The following SGCZ variants were observed in gnomAD, a reference collection of about 807,000 sequenced individuals.
SGCZ encodes the protein zeta-sarcoglycan.
SGCZ carries 40 observed loss-of-function variants against 41.3 expected under a neutral mutation model. The observed-to-expected ratio is 0.97, with a 90% CI of 0.75 to 1.26. The LOEUF (loss-of-function observed/expected upper bound fraction) is 1.26. Ranked by LOEUF, SGCZ falls within the 50% of genes most tolerant of loss-of-function variation. The probability of loss-of-function intolerance (pLI) is 0.00; values close to 1 mark genes in which losing one functional copy is unlikely to be tolerated. For missense variants in SGCZ, 552 were observed against 369.8 expected (o/e 1.49, Z -4.04); for synonymous variants, 206 against 137.5 (o/e 1.50, Z -3.49).
At chr8:14,239,490 G>C (rs185151124) in intron 3 of SGCZ, among the ~76,000 whole-genome samples, 4 of 152,032 alleles carry the variant, frequency 2.6e-5, no homozygotes, top group African/African-American at 7.2e-5. Context: ...GTTTGGTTTA[G>C]AGTTTTAAAA....
chr8:15,007,585 T>C (rs954049840), intron 1 of SGCZ, among the ~76,000 whole-genome samples: 15 of 152,334 alleles, frequency 9.8e-5, no homozygotes, highest in African/African-American at 2.6e-4. Flanking sequence ...ATCCGTAAAA[T>C]GGAGATTCAT....
chr8:14,531,384 A>G (rs1803125748), intron 2 of SGCZ, among the ~76,000 whole-genome samples: 1 of 151,872 alleles, frequency 6.6e-6, no homozygotes, highest in Admixed American at 6.6e-5. Flanking sequence ...CTTGGTCACA[A>G]GACTAGAAAT....
intron 1 of SGCZ, among the ~76,000 whole-genome samples, chr8:15,080,394 C>G (rs1454964053): frequency 6.6e-6 from 1 of 152,026 alleles, no homozygotes; most frequent in African/African-American, 2.4e-5. Context: ...CTACCACCAG[C>G]CTGAGCATCC....
intron 1 of SGCZ, among the ~76,000 whole-genome samples, chr8:14,730,554 T>C (rs533139515): frequency 6.6e-6 from 1 of 151,996 alleles, no homozygotes; most frequent in East Asian, 1.9e-4. Flanking sequence ...AGAAACAACA[T>C]ACAACCCTAA....
intron 1 of SGCZ, among the ~76,000 whole-genome samples, chr8:15,217,937 T>A (rs1801468471): frequency 6.6e-6 from 1 of 151,920 alleles, no homozygotes; most frequent in Non-Finnish European, 1.5e-5. Context: ...AATACAAAAA[T>A]TTGCCAAACG....
intron 4 of SGCZ, among the ~76,000 whole-genome samples, chr8:14,235,570 G>C (rs1001959283): frequency 4.6e-5 from 7 of 152,322 alleles, no homozygotes; most frequent in African/African-American, 1.4e-4. Context: ...AAAGCATGCA[G>C]TGAAATGCAA....
chr8:14,975,883 C>A (rs1379995483), intron 1 of SGCZ, among the ~76,000 whole-genome samples: 1 of 147,612 alleles, frequency 6.8e-6, no homozygotes, highest in Non-Finnish European at 1.5e-5. Context: ...TACACACACA[C>A]ACACACACAC....
At chr8:15,106,803 G>T (rs1010313403) in intron 1 of SGCZ, among the ~76,000 whole-genome samples, 25 of 151,830 alleles carry the variant, frequency 1.6e-4, no homozygotes, top group Middle Eastern at 3.2e-3. Context: ...CATCATTCTT[G>T]TTTCCCACTT....
intron 1 of SGCZ, among the ~76,000 whole-genome samples, chr8:14,898,226 A>T (rs773100121): frequency 2.6e-5 from 4 of 152,170 alleles, no homozygotes; most frequent in Non-Finnish European, 4.4e-5. Flanking sequence ...TAGGAACTAC[A>T]GGTGTGAGCC....
intron 1 of SGCZ, among the ~76,000 whole-genome samples, chr8:14,632,751 C>T (rs190727901): frequency 2.6e-4 from 39 of 152,052 alleles, no homozygotes; most frequent in African/African-American, 8.9e-4. Flanking sequence ...ATCCAATATT[C>T]TATTTCTATA....
intron 2 of SGCZ, among the ~76,000 whole-genome samples, chr8:14,351,703 G>T (rs1803101475): frequency 6.6e-6 from 1 of 151,866 alleles, no homozygotes. Context: ...CATAAAAAAA[G>T]AATTTGCTTG....
At chr8:14,816,499 A>G (rs2130554002) in intron 1 of SGCZ, among the ~76,000 whole-genome samples, 1 of 152,316 alleles carries the variant, frequency 6.6e-6, no homozygotes, top group East Asian at 1.9e-4. Flanking sequence ...GTGAAATTCA[A>G]CTTTCTGTTC....
At chr8:14,798,748 T>G (rs183798440) in intron 1 of SGCZ, among the ~76,000 whole-genome samples, 157 of 152,194 alleles carry the variant, frequency 1.0e-3, no homozygotes, top group Non-Finnish European at 7.8e-4. Flanking sequence ...TTAGATTATG[T>G]AATTTAAGAC....
chr8:14,685,696 A>G (rs956474864), intron 1 of SGCZ, among the ~76,000 whole-genome samples: 3 of 152,280 alleles, frequency 2.0e-5, no homozygotes, highest in East Asian at 3.9e-4. Context: ...CAATATTGGT[A>G]TCTATTACAT....
At chr8:14,660,045 T>C (rs889742998) in intron 1 of SGCZ, among the ~76,000 whole-genome samples, 4 of 152,112 alleles carry the variant, frequency 2.6e-5, no homozygotes, top group African/African-American at 9.7e-5. Flanking sequence ...TGAAACAGCT[T>C]TTTCTTGCAG....
At chr8:14,186,600 G>A (rs938134989) in intron 4 of SGCZ, among the ~76,000 whole-genome samples, 10 of 152,128 alleles carry the variant, frequency 6.6e-5, no homozygotes, top group African/African-American at 2.4e-4. Flanking sequence ...AGATTTTACT[G>A]AGAGAGAAAC....
chr8:14,726,821 C>A (rs1367574631), intron 1 of SGCZ, among the ~76,000 whole-genome samples: 3 of 152,030 alleles, frequency 2.0e-5, no homozygotes, highest in Admixed American at 2.0e-4. Flanking sequence ...TATTTACAAT[C>A]TGCCAAATAC....
At chr8:14,525,389 T>A (rs1449313382) in intron 2 of SGCZ, among the ~76,000 whole-genome samples, 1 of 152,268 alleles carries the variant, frequency 6.6e-6, no homozygotes, top group South Asian at 2.1e-4. Flanking sequence ...TCCAAGAATT[T>A]GGAAGCAATT....
intron 2 of SGCZ, among the ~76,000 whole-genome samples, chr8:14,406,052 C>T (rs1799203965): frequency 6.6e-6 from 1 of 152,072 alleles, no homozygotes; most frequent in Non-Finnish European, 1.5e-5. Context: ...GCAAATAACC[C>T]ATCAAATATA....
Sources: allele counts gnomAD v4.1 joint callset (sites outside exome capture counted in the v4.1 genomes callset), GRCh38; gene constraint gnomAD v4.1.1; transcripts MANE v1.5; gene names NCBI Gene and HGNC (gene_info 2026-07-23, HGNC 2026-07-21).